FNDC3A: variants seen among roughly 807,000 people sequenced by gnomAD.
FNDC3A encodes the protein fibronectin type III domain containing 3A.
FNDC3A carries 32 observed loss-of-function variants against 148.9 expected under a neutral mutation model. The ratio of observed to expected loss-of-function variants is 0.21; its 90% CI spans 0.16 to 0.29. The LOEUF is 0.29. Ranked by LOEUF, FNDC3A falls within the 10% of genes least tolerant of loss-of-function variation. FNDC3A has a pLI of 1.00. For synonymous variants in FNDC3A, 472 were observed against 473.6 expected, an observed-to-expected ratio of 1.00 and a Z score of 0.04; for missense variants, 1,191 against 1,452.8, an observed-to-expected ratio of 0.82 and a Z score of 2.93.
At chr13:49,062,310 T>C (rs1411355555) in intron 2 of FNDC3A, among the ~76,000 whole-genome samples, 1 of 152,192 alleles carries the variant, frequency 6.6e-6, no homozygotes, top group Non-Finnish European at 1.5e-5. Flanking sequence ...TCTATAGGTT[T>C]AAAATTTTTC....
intron 1 of FNDC3A, among the ~76,000 whole-genome samples, chr13:48,983,602 C>A (rs1333430209): frequency 6.6e-6 from 1 of 152,166 alleles, no homozygotes; most frequent in Non-Finnish European, 1.5e-5. Flanking sequence ...AGTTTGCCAA[C>A]CTCTGCAATG....
Position 49,104,493 on chromosome 13 carries a change from CAG to C in FNDC3A, c.176-10161_176-10160del, listed in dbSNP as rs1880041687. On this transcript the variant is annotated intron_variant, in intron 3 of 25. Transcript: ENST00000492622. ...GAGCTGAGATCGCGCCACTGCACTC[CAG>C]CCCAGGTGGCCCAGGTGACAGAGTG... Among the ~76,000 whole-genome samples the C allele has an allele frequency of 2.8e-3, 3 of 1,072 alleles. No individual in the cohort carries two copies. In the Non-Finnish European group the frequency reaches 0.052, roughly 18 times the overall value. The allele number at this position is 1,072 out of a possible 152,430, so 0.7% of individuals were successfully genotyped here. A position where few individuals can be genotyped will look rare whatever the true frequency, so the allele number is the denominator to read the frequency against.
Position 49,207,218 on chromosome 13 carries a change from A to G in FNDC3A, c.3420A>G (p.Thr1140=). Residue 1140 remains threonine (T), a synonymous_variant, in exon 26 of 26, where the codon ACA becomes ACG. Transcript: ENST00000492622. ...HQDLVGPYST[T]VLFISQRTEP... ...ACCTCGTAGGTCCCTACAGCACCAC[A>G]GTGCTCTTCATCTCTCAGAGGACTG... 1 of 1,614,106 alleles carries G rather than the reference A, an allele frequency of 6.2e-7. No homozygotes were observed.
chr13:49,093,032 G>A (rs1048567448), intron 3 of FNDC3A, among the ~76,000 whole-genome samples: 3 of 152,096 alleles, frequency 2.0e-5, no homozygotes, highest in African/African-American at 7.2e-5. Context: ...GAACCCAAAT[G>A]AAAGTCTTTT....
At chr13:49,052,052 A>G (rs1875879788) in intron 2 of FNDC3A, among the ~76,000 whole-genome samples, 1 of 151,898 alleles carries the variant, frequency 6.6e-6, no homozygotes, top group Non-Finnish European at 1.5e-5. Context: ...TATTTATGCT[A>G]TCTATTTCAC....
chr13:49,187,150 C>T lies in FNDC3A; in HGVS notation c.1785C>T (p.Thr595=). 6.2e-7 allele frequency: 1 copy of T among 1,612,722 alleles called. No individual in the cohort carries two copies. Among genetic ancestry groups the T allele is most frequent in the Non-Finnish European group, 8.5e-7 (1 of 1,179,208 alleles). ...WDPPKDNGGA[T]INKYVVEMAE... is the part of the protein sequence containing the mutation. ...CACCAAAAGACAATGGCGGAGCAACCATCAATAAATATGTAGTGGAGATGG... is the reference window on the plus strand; with the variant it reads ...CACCAAAAGACAATGGCGGAGCAACTATCAATAAATATGTAGTGGAGATGG... Residue 595 remains threonine, a synonymous_variant, in exon 16 of 26, where the codon ACC becomes ACT. Coordinates refer to ENST00000492622, the MANE Select transcript of FNDC3A (RefSeq NM_001079673.2).
At position 49,026,349 on chromosome 13, in the gene FNDC3A, G is replaced by A. The variant is rs563283885; in HGVS notation, c.99+20060G>A. Among the ~76,000 whole-genome samples, 7 of 152,260 alleles carry A rather than the reference G, an allele frequency of 4.6e-5. No individual in the cohort carries two copies. In the South Asian group the frequency reaches 1.5e-3, roughly 32 times the overall value. On this transcript the variant is annotated intron_variant, in intron 2 of 25. Coordinates refer to ENST00000492622, the MANE Select transcript of FNDC3A (RefSeq NM_001079673.2). Reference sequence around the variant, plus strand: ...ATTTCTTTTTCAAAAGAGCATCTGAGGAAAATTCATCAACAAATTCTAGTT... The same window carrying A: ...ATTTCTTTTTCAAAAGAGCATCTGAAGAAAATTCATCAACAAATTCTAGTT...
At chr13:49,163,666 G>T (rs372076378) in intron 8 of FNDC3A, among the ~76,000 whole-genome samples, 8 of 152,312 alleles carry the variant, frequency 5.3e-5, no homozygotes, top group African/African-American at 1.9e-4. Context: ...CCAGTGAGAT[G>T]AACCTGGTAC....
intron 2 of FNDC3A, among the ~76,000 whole-genome samples, chr13:49,043,090 G>A (rs1008612428): frequency 6.6e-6 from 1 of 150,954 alleles, no homozygotes; most frequent in Non-Finnish European, 1.5e-5. Flanking sequence ...CAAGTAGCTG[G>A]GACTATAAAT....
chr13:49,160,405 T>C (rs990698931), intron 8 of FNDC3A, among the ~76,000 whole-genome samples: 2 of 152,226 alleles, frequency 1.3e-5, no homozygotes, highest in African/African-American at 2.4e-5. Context: ...TTTATTTGCA[T>C]AGAGGTGTTT....
rs1034913796 is a variant in FNDC3A, at chr13:49,168,811, G to A, written c.1176+60G>A. The stretch of plus-strand genomic sequence containing the variant: ...ATGTGTTTCTTTGTTTCCCCTGGTA[G>A]TATTAAGTTTCAATTGTTGCTGGAG... On this transcript the variant is annotated intron_variant, in intron 10 of 25. Coordinates refer to ENST00000492622, the MANE Select transcript of FNDC3A (RefSeq NM_001079673.2). 6 of 1,485,976 alleles carry A rather than the reference G, an allele frequency of 4.0e-6. No individual in the cohort carries two copies. The South Asian group carries it at 6.0e-5, about 15-fold the overall frequency. The allele number at this position is 1,485,976 out of a possible 1,614,324, so 92.0% of individuals were successfully genotyped here.
rs144872896 is a variant in FNDC3A, at chr13:48,997,354, A to C, written c.-39-8798A>C. Reference sequence around the variant, plus strand: ...TTAAGGAAGAAAACTAGCAGAATACATGTATAAGGAAACAAGAACAGATTC... The same window carrying C: ...TTAAGGAAGAAAACTAGCAGAATACCTGTATAAGGAAACAAGAACAGATTC... On this transcript the variant is annotated intron_variant, in intron 1 of 25. Coordinates refer to ENST00000492622, the MANE Select transcript of FNDC3A (RefSeq NM_001079673.2). Among the ~76,000 whole-genome samples, 4 of 152,358 alleles carry C rather than the reference A, an allele frequency of 2.6e-5. No homozygotes were observed. In the East Asian group the frequency reaches 7.7e-4, roughly 29 times the overall value.
intron 2 of FNDC3A, among the ~76,000 whole-genome samples, chr13:49,047,294 C>G (rs1875493196): frequency 6.6e-6 from 1 of 152,030 alleles, no homozygotes; most frequent in Non-Finnish European, 1.5e-5. Flanking sequence ...GTGCAGGTAT[C>G]TTTTTTGTAC....
Position 49,113,197 on chromosome 13 carries a change from C to T in FNDC3A, c.176-1458C>T, listed in dbSNP as rs1053260892. Reference sequence around the variant, plus strand: ...CCCTTTCTTATCCCTCCCTTTTCTTCTCTTACCTCTCGCCTCTCTCCTTCT... The same window carrying T: ...CCCTTTCTTATCCCTCCCTTTTCTTTTCTTACCTCTCGCCTCTCTCCTTCT... On this transcript the variant is annotated intron_variant, in intron 3 of 25. Coordinates refer to ENST00000492622, the MANE Select transcript of FNDC3A (RefSeq NM_001079673.2). Among the ~76,000 whole-genome samples, 25 of 151,366 alleles carry T rather than the reference C, an allele frequency of 1.7e-4. 1 individual carries two copies. The Middle Eastern group carries it at 0.01, about 62-fold the overall frequency.
intron 14 of FNDC3A, among the ~76,000 whole-genome samples, chr13:49,183,786 A>C (rs995354765): frequency 6.6e-6 from 1 of 152,174 alleles, no homozygotes; most frequent in Non-Finnish European, 1.5e-5. Context: ...ACTAAACTTT[A>C]CTGAGTTCTG....
chr13:49,019,467 A>G (rs1452326776), intron 2 of FNDC3A, among the ~76,000 whole-genome samples: 1 of 152,222 alleles, frequency 6.6e-6, no homozygotes, highest in Non-Finnish European at 1.5e-5. Flanking sequence ...CGGCTCACGC[A>G]GGGTGCGCGC....
intron 14 of FNDC3A, among the ~76,000 whole-genome samples, chr13:49,185,026 A>G (rs1325798632): frequency 6.6e-6 from 1 of 152,072 alleles, no homozygotes; most frequent in Non-Finnish European, 1.5e-5. Flanking sequence ...GTTTGTCTCT[A>G]ACACTTTTGA....
At chr13:49,046,238 CT>C in intron 2 of FNDC3A, 1 of 156,346 alleles carries the variant, frequency 6.4e-6, no homozygotes, top group Non-Finnish European at 1.4e-5. Flanking sequence ...GCATTTGTAG[CT>C]TGCGATGCTT....
intron 3 of FNDC3A, among the ~76,000 whole-genome samples, chr13:49,077,159 A>G (rs562526940): frequency 1.9e-3 from 289 of 152,340 alleles, no homozygotes; most frequent in African/African-American, 6.7e-3. Context: ...CTGCTGTCCT[A>G]ACTACTCGAG....
Sources: allele counts gnomAD v4.1 joint callset (sites outside exome capture counted in the v4.1 genomes callset), GRCh38; gene constraint gnomAD v4.1.1; transcripts MANE v1.5; gene names NCBI Gene and HGNC (gene_info 2026-07-23, HGNC 2026-07-21).